The following ITPR2 variants were observed in gnomAD, a reference collection of about 807,000 sequenced individuals.
ITPR2 encodes inositol 1,4,5-trisphosphate-gated calcium channel ITPR2.
A neutral mutation model predicts 317.1 loss-of-function variants in ITPR2; 207 were observed. The ratio of observed to expected loss-of-function variants is 0.65; its 90% CI spans 0.58 to 0.73. ITPR2 has a LOEUF of 0.73. ITPR2 is among the 30% of genes least tolerant of loss of function. ITPR2 has a pLI of 0.00. For synonymous variants in ITPR2, 1,156 were observed against 1,149.1 expected (o/e 1.01, Z -0.12); for missense variants, 2,613 against 3,284.0 (o/e 0.80, Z 4.99).
At chr12:26,706,252 G>A (rs1466879637) in intron 9 of ITPR2, among the ~76,000 whole-genome samples, 1 of 152,106 alleles carries the variant, frequency 6.6e-6, no homozygotes, top group Non-Finnish European at 1.5e-5. Context: ...CCAACATGTG[G>A]CTAGAAACTA....
chr12:26,348,654 C>G (rs1938381582), intron 55 of ITPR2, among the ~76,000 whole-genome samples: 1 of 152,174 alleles, frequency 6.6e-6, no homozygotes, highest in Non-Finnish European at 1.5e-5. Flanking sequence ...GTGTCAGGGA[C>G]TGCAGGTGAC....
intron 39 of ITPR2, among the ~76,000 whole-genome samples, chr12:26,493,525 A>G (rs1942859008): frequency 6.6e-6 from 1 of 152,152 alleles, no homozygotes; most frequent in Admixed American, 6.5e-5. Flanking sequence ...ATAATTAACC[A>G]TTTATTGTAT....
chr12:26,797,516 A>C (rs1322710653), intron 1 of ITPR2, among the ~76,000 whole-genome samples: 3 of 152,136 alleles, frequency 2.0e-5, no homozygotes, highest in African/African-American at 7.2e-5. Flanking sequence ...TTCATTTACC[A>C]CTAAGTGATA....
chr12:26,371,672 A>G (rs138447694), intron 55 of ITPR2, among the ~76,000 whole-genome samples: 177 of 152,352 alleles, frequency 1.2e-3, no homozygotes, highest in African/African-American at 4.0e-3. Flanking sequence ...AAAGAAGATC[A>G]GGAAGGCTGA....
chr12:26,568,294 G>C (rs1945067266), intron 34 of ITPR2, among the ~76,000 whole-genome samples: 1 of 151,524 alleles, frequency 6.6e-6, no homozygotes, highest in Admixed American at 6.6e-5. Context: ...CAGCAAGTAA[G>C]TACATGGATC....
intron 7 of ITPR2, 142 bp from the exon 8 acceptor site, chr12:26,715,587 T>TA (rs1258492448): frequency 8.2e-6 from 7 of 856,590 alleles, no homozygotes; most frequent in Non-Finnish European, 1.1e-5. Flanking sequence ...TTTAAACATT[T>TA]AAAAATGTGG....
At chr12:26,343,735 G>T (rs536567744) in intron 55 of ITPR2, among the ~76,000 whole-genome samples, 54 of 152,246 alleles carry the variant, frequency 3.5e-4, no homozygotes, top group Middle Eastern at 3.4e-3. Flanking sequence ...TTAAAGGATA[G>T]GATGGGAAGG....
intron 29 of ITPR2, among the ~76,000 whole-genome samples, chr12:26,599,754 A>C (rs1343456219): frequency 6.6e-6 from 1 of 152,078 alleles, no homozygotes; most frequent in African/African-American, 2.4e-5. Flanking sequence ...CTAACATTTA[A>C]CTATATACGT....
At chr12:26,407,471 T>A (rs1418806369) in intron 52 of ITPR2, among the ~76,000 whole-genome samples, 2 of 152,102 alleles carry the variant, frequency 1.3e-5, no homozygotes, top group Non-Finnish European at 2.9e-5. Flanking sequence ...CTAGACATTG[T>A]CAGATGTCCC....
At position 26,655,596 on chromosome 12, in the gene ITPR2, C is replaced by T. The variant is rs530799904; in HGVS notation, c.2589+112G>A. On this transcript the variant is annotated intron_variant, in intron 20 of 56. Coordinates refer to ENST00000381340, the MANE Select transcript of ITPR2 (RefSeq NM_002223.4). ...GCCACTGCACTCCAGCCTGGGCGAC[C>T]GAGTGAGACTCTGTCTCAAAAAAAA... 190 of 888,566 alleles carry T rather than the reference C, an allele frequency of 2.1e-4. No homozygotes were observed. The Admixed American group carries it at 5.2e-3, about 24-fold the overall frequency. The allele number at this position is 888,566 out of a possible 1,614,324, so 55.0% of individuals were successfully genotyped here. A position where few individuals can be genotyped will look rare whatever the true frequency, so the allele number is the denominator to read the frequency against.
chr12:26,764,131 GAAC>G (rs1949680242), intron 2 of ITPR2, among the ~76,000 whole-genome samples: 1 of 152,020 alleles, frequency 6.6e-6, no homozygotes, highest in Non-Finnish European at 1.5e-5. Flanking sequence ...AATTATGCTA[GAAC>G]AACTGGACAT....
intron 53 of ITPR2, 26 bp from the exon 54 acceptor site, chr12:26,399,067 C>A: frequency 1.3e-6 from 2 of 1,517,414 alleles, no homozygotes; most frequent in Admixed American, 2.2e-5. Flanking sequence ...TTAAAAAAAT[C>A]ACACTAGGCA....
chr12:26,495,293 C>A, intron 37 of ITPR2, 33 bp from the exon 38 acceptor site: 1 of 1,187,380 alleles, frequency 8.4e-7, no homozygotes, highest in Non-Finnish European at 1.2e-6. Flanking sequence ...GTTACTGTTC[C>A]CTTTTCTAAT....
intron 45 of ITPR2, among the ~76,000 whole-genome samples, chr12:26,449,332 G>GGGCAAAA (rs879641640): frequency 1.4e-4 from 22 of 152,050 alleles, no homozygotes; most frequent in Non-Finnish European, 2.6e-4. Flanking sequence ...CAGCAGAAGG[G>GGGCAAAA]GGCAAAAACT....
chr12:26,591,079 C>CAAAAAAAAA (rs34387951), intron 32 of ITPR2, among the ~76,000 whole-genome samples: 5 of 43,404 alleles, frequency 1.2e-4, no homozygotes, highest in South Asian at 1.3e-3. Flanking sequence ...GACTCCATCT[C>CAAAAAAAAA]AAAAAAAAAA....
chr12:26,476,492 G>A (rs1034681450), intron 44 of ITPR2, among the ~76,000 whole-genome samples: 1 of 152,126 alleles, frequency 6.6e-6, no homozygotes, highest in Admixed American at 6.5e-5. Context: ...ACATATCACT[G>A]AGAAGAACAG....
At chr12:26,792,326 T>C (rs180833522) in intron 1 of ITPR2, among the ~76,000 whole-genome samples, 4 of 151,890 alleles carry the variant, frequency 2.6e-5, no homozygotes, top group Admixed American at 2.0e-4. Context: ...GGAGTCTGAA[T>C]CTGTTACAAG....
intron 37 of ITPR2, among the ~76,000 whole-genome samples, chr12:26,548,582 A>G (rs552865139): frequency 2.6e-5 from 4 of 152,310 alleles, no homozygotes; most frequent in African/African-American, 9.6e-5. Flanking sequence ...TGCTGACAAC[A>G]TATGTGTTGG....
intron 26 of ITPR2, among the ~76,000 whole-genome samples, chr12:26,617,764 G>A (rs1565644124): frequency 6.8e-6 from 1 of 146,952 alleles, no homozygotes; most frequent in Non-Finnish European, 1.5e-5. Context: ...AGGAGGGAGG[G>A]AGGGAAGGAA....
Sources: gnomAD v4.1 joint callset for allele counts (sites outside exome capture counted in the v4.1 genomes callset) on GRCh38, gnomAD v4.1.1 for gene constraint, MANE v1.5 for transcripts, NCBI Gene and HGNC (gene_info 2026-07-23, HGNC 2026-07-21) for gene names.